ROBO2: variants seen among roughly 807,000 people sequenced by gnomAD.
ROBO2 encodes roundabout homolog 2.
Under a neutral mutation model 160.8 loss-of-function variants are expected in ROBO2, and 53 were observed. That is an observed-to-expected ratio of 0.33 (90% CI 0.26 to 0.41). ROBO2 has a LOEUF of 0.41. Among genes scored for constraint, ROBO2 ranks in the 10% least tolerant of loss-of-function variants. The pLI is 1.00. For missense variants in ROBO2, 1,577 were observed against 1,722.4 expected (o/e 0.92, Z 1.49); for synonymous variants, 664 against 611.7 (o/e 1.09, Z -1.26).
Position 76,646,288 on chromosome 3 carries a change from A to G in ROBO2, c.110-451726A>G, listed in dbSNP as rs956857626. Among the ~76,000 whole-genome samples, 18 of 152,184 alleles carry G rather than the reference A, an allele frequency of 1.2e-4. 1 individual carries two copies. The stretch of plus-strand genomic sequence containing the variant: ...CTTGTCTGTGGAAGAGTGACGGGAA[A>G]GAAAGCCAACGCCGATGCAGAAAGA... On this transcript the variant is annotated intron_variant, in intron 2 of 26. Coordinates refer to the ROBO2 transcript ENST00000487694.
At chr3:76,141,159 CTATATA>C (rs55778369) in intron 2 of ROBO2, among the ~76,000 whole-genome samples, 108 of 9,168 alleles carry the variant, frequency 0.012, 1 homozygote, top group Admixed American at 0.031. Flanking sequence ...CTCTCTCTCT[CTATATA>C]TATATATATA....
chr3:75,974,764 A>T (rs2065091169), intron 2 of ROBO2, among the ~76,000 whole-genome samples: 1 of 151,422 alleles, frequency 6.6e-6, no homozygotes, highest in Admixed American at 6.6e-5. Context: ...ATATTGCACA[A>T]TAAGAGGCAG....
At chr3:76,945,367 A>G (rs966965743) in intron 2 of ROBO2, among the ~76,000 whole-genome samples, 1 of 152,224 alleles carries the variant, frequency 6.6e-6, no homozygotes, top group Admixed American at 6.5e-5. Context: ...TTCTTAGGAA[A>G]TCAGAGTTGG....
intron 6 of ROBO2, among the ~76,000 whole-genome samples, chr3:77,539,645 G>C (rs945064583): frequency 6.6e-6 from 1 of 151,962 alleles, no homozygotes; most frequent in Non-Finnish European, 1.5e-5. Context: ...CTATTCCGAG[G>C]CATTCATTTA....
intron 2 of ROBO2, among the ~76,000 whole-genome samples, chr3:76,679,774 T>C (rs1474402932): frequency 6.6e-6 from 1 of 152,192 alleles, no homozygotes; most frequent in Non-Finnish European, 1.5e-5. Flanking sequence ...TTATTCTAAC[T>C]TGTGCCTTAC....
intron 2 of ROBO2, among the ~76,000 whole-genome samples, chr3:76,738,868 A>G (rs1205591292): frequency 5.9e-5 from 9 of 152,040 alleles, no homozygotes; most frequent in Non-Finnish European, 1.0e-4. Flanking sequence ...AAATACTACT[A>G]CATGTTTGTA....
intron 2 of ROBO2, among the ~76,000 whole-genome samples, chr3:76,215,529 T>C (rs4856018): frequency 0.98 from 148,558 of 152,334 alleles, 72,549 homozygotes; most frequent in East Asian, 1. Context: ...GCCTCAGTAG[T>C]CGATGTGATC....
intron 2 of ROBO2, among the ~76,000 whole-genome samples, chr3:76,567,563 C>T (rs1386465090): frequency 2.2e-5 from 3 of 138,544 alleles, no homozygotes; most frequent in Non-Finnish European, 3.1e-5. Context: ...CTTACTGCTA[C>T]ATAGGAAGAA....
intron 2 of ROBO2, among the ~76,000 whole-genome samples, chr3:76,123,106 C>T (rs2070821014): frequency 6.6e-6 from 1 of 152,062 alleles, no homozygotes; most frequent in South Asian, 2.1e-4. Context: ...TCAGATCTCT[C>T]TCAACTGGTT....
chr3:77,593,557 A>G (rs2094228138), intron 17 of ROBO2, among the ~76,000 whole-genome samples: 1 of 152,166 alleles, frequency 6.6e-6, no homozygotes, highest in Non-Finnish European at 1.5e-5. Context: ...ATAAGGCAGT[A>G]TATTTCAGGT....
intron 9 of ROBO2, among the ~76,000 whole-genome samples, chr3:77,561,249 T>C (rs1422293802): frequency 6.6e-6 from 1 of 152,188 alleles, no homozygotes; most frequent in Non-Finnish European, 1.5e-5. Flanking sequence ...ACCCAGCAGA[T>C]ATAATATTCC....
At position 77,540,912 on chromosome 3, in the gene ROBO2, T is replaced by G. The variant is rs1463700022; in HGVS notation, c.935-5426T>G. Among the ~76,000 whole-genome samples, 3 of 152,218 alleles carry G rather than the reference T, an allele frequency of 2.0e-5. No individual in the cohort carries two copies. In the East Asian group the frequency reaches 5.8e-4, roughly 29 times the overall value. The stretch of plus-strand genomic sequence containing the variant: ...ATAATAAGCTCTCAATGAATGTTAA[T>G]TATTGCCATTCTACTAAACAGTTTG... On this transcript the variant is annotated intron_variant, in intron 6 of 25. Transcript: ENST00000461745.
intron 2 of ROBO2, among the ~76,000 whole-genome samples, chr3:76,957,340 T>G (rs1241092846): frequency 6.6e-6 from 1 of 152,104 alleles, no homozygotes; most frequent in Non-Finnish European, 1.5e-5. Context: ...CTGTAAACAT[T>G]ATGTTTCCAA....
intron 2 of ROBO2, among the ~76,000 whole-genome samples, chr3:77,381,899 A>G (rs761787608): frequency 2.6e-5 from 4 of 152,096 alleles, no homozygotes; most frequent in Non-Finnish European, 5.9e-5. Flanking sequence ...ATGGGGGGTG[A>G]GGGGCTATGT....
intron 2 of ROBO2, among the ~76,000 whole-genome samples, chr3:76,185,936 A>T (rs1575791018): frequency 1.4e-5 from 2 of 143,704 alleles, no homozygotes; most frequent in Non-Finnish European, 3.0e-5. Flanking sequence ...GGAAACACAG[A>T]TTTTTTTTTT....
intron 2 of ROBO2, among the ~76,000 whole-genome samples, chr3:76,221,248 G>A (rs571015889): frequency 6.6e-6 from 1 of 152,148 alleles, no homozygotes; most frequent in Non-Finnish European, 1.5e-5. Flanking sequence ...GGGTAACTCA[G>A]GGTGATGGTG....
intron 2 of ROBO2, among the ~76,000 whole-genome samples, chr3:76,941,736 CACTT>C (rs1172562002): frequency 6.6e-6 from 1 of 152,186 alleles, no homozygotes; most frequent in Non-Finnish European, 1.5e-5. Flanking sequence ...CTCTCTCCCT[CACTT>C]GTCTGCAATT....
chr3:76,829,731 C>A (rs1311625672), intron 2 of ROBO2, among the ~76,000 whole-genome samples: 2 of 150,672 alleles, frequency 1.3e-5, no homozygotes, highest in African/African-American at 4.9e-5. Flanking sequence ...TGCAATGGCA[C>A]AATCTTGGCT....
At chr3:76,437,190 C>T (rs111665290) in intron 2 of ROBO2, among the ~76,000 whole-genome samples, 3,068 of 152,084 alleles carry the variant, frequency 0.02, 57 homozygotes, top group Non-Finnish European at 0.029. Context: ...TTCAAATATA[C>T]ATAATTCGGT....
Sources: gnomAD v4.1 joint callset for allele counts (sites outside exome capture counted in the v4.1 genomes callset) on GRCh38, gnomAD v4.1.1 for gene constraint, MANE v1.5 for transcripts, NCBI Gene and HGNC (gene_info 2026-07-23, HGNC 2026-07-21) for gene names.